PFKFB2: variants seen among roughly 807,000 people sequenced by gnomAD.
The protein encoded by PFKFB2 is 6-phosphofructo-2-kinase/fructose-2,6-bisphosphatase 2.
PFKFB2 carries 53 observed loss-of-function variants against 68.0 expected under a neutral mutation model. The observed-to-expected ratio is 0.78, with a 90% confidence interval of 0.63 to 0.98. PFKFB2 has a LOEUF of 0.98. Ranked by LOEUF, PFKFB2 falls within the 50% of genes least tolerant of loss-of-function variation. The pLI, the probability that PFKFB2 is intolerant of heterozygous loss-of-function variation, is 0.00. For missense variants in PFKFB2, 451 were observed against 642.0 expected, an observed-to-expected ratio of 0.70 and a Z score of 3.22; for synonymous variants, 222 against 227.6, an observed-to-expected ratio of 0.98 and a Z score of 0.22.
At chr1:207,040,171 T>C (rs1408175893) in intron 1 of PFKFB2, among the ~76,000 whole-genome samples, 1 of 152,212 alleles carries the variant, frequency 6.6e-6, no homozygotes, top group Admixed American at 6.5e-5. Context: ...GGAATAATTT[T>C]GTCTACATTT....
chr1:207,079,103 C>T (rs1329464485), downstream of PFKFB2: 2 of 1,224,674 alleles, frequency 1.6e-6, no homozygotes, highest in East Asian at 2.3e-5. Context: ...GAGGCTAGAA[C>T]AGGAAGTTAA....
At chr1:207,078,974 T>C (rs778954772), downstream of PFKFB2, 3 of 1,612,528 alleles carry the variant, frequency 1.9e-6, no homozygotes, top group East Asian at 2.2e-5. Flanking sequence ...CCACACTGGC[T>C]GTGCGCAGAC....
At chr1:207,051,021 G>C, upstream of PFKFB2, 1 of 1,507,720 alleles carries the variant, frequency 6.6e-7, no homozygotes, top group Non-Finnish European at 8.9e-7. Context: ...CCTTTAGCGG[G>C]GCCAAACATC....
chr1:207,050,582 C>T (rs186192051), upstream of PFKFB2: 120 of 1,488,236 alleles, frequency 8.1e-5, no homozygotes, highest in Admixed American at 5.5e-4. Flanking sequence ...GCCTCAAAGC[C>T]CCCCCGCCGA....
At chr1:207,043,672 G>C (rs551978391) in intron 2 of PFKFB2, among the ~76,000 whole-genome samples, 1 of 152,100 alleles carries the variant, frequency 6.6e-6, no homozygotes, top group Non-Finnish European at 1.5e-5. Context: ...TCAACCTTTC[G>C]TTAAGGAGAA....
chr1:207,080,430 C>T (rs1683733288), downstream of PFKFB2: 1 of 152,156 alleles, frequency 6.6e-6, no homozygotes. Flanking sequence ...GGTTCAGCAT[C>T]CAGCAACTAG....
intron 14 of PFKFB2, 118 bp downstream of exon 14, chr1:207,071,691 AC>A: frequency 1.4e-6 from 1 of 735,724 alleles, no homozygotes. Context: ...TTCAGAACTT[AC>A]GTCCAAATGT....
chr1:207,075,218 G>A lies in PFKFB2; in HGVS notation c.*2847G>A, dbSNP rs890267250. 20 of 985,320 alleles carry A rather than the reference G, an allele frequency of 2.0e-5. No homozygotes were observed. Among genetic ancestry groups the A allele is most frequent in the Non-Finnish European group, 2.4e-5 (20 of 829,960 alleles). The allele number at this position is 985,320 out of a possible 1,614,324, so 61.0% of individuals were successfully genotyped here. A position where few individuals can be genotyped will look rare whatever the true frequency, so the allele number is the denominator to read the frequency against. On this transcript the variant is annotated 3_prime_UTR_variant, in exon 15 of 15. Transcript: ENST00000367080. ...ACAGGTCACTGGGATGTTCATTCTG[G>A]CTCTCAGCCTGCTGTTATTTCCCCA...
intron 9 of PFKFB2, 38 bp from the exon 10 acceptor site, chr1:207,068,125 T>TG: frequency 3.2e-6 from 5 of 1,573,774 alleles, no homozygotes; most frequent in African/African-American, 2.7e-5. Flanking sequence ...TGTCTGTGTG[T>TG]TTTCTTTTTA....
intron 2 of PFKFB2, among the ~76,000 whole-genome samples, chr1:207,043,387 ATAGTT>A (rs934171294): frequency 2.2e-4 from 33 of 152,202 alleles, no homozygotes; most frequent in Admixed American, 1.8e-3. Context: ...AATGGGTTAA[ATAGTT>A]TAGTTTAGTT....
intron 2 of PFKFB2, chr1:207,046,610 C>T: frequency 6.6e-6 from 1 of 151,992 alleles, no homozygotes; most frequent in African/African-American, 2.4e-5. Context: ...GTATCAGTGT[C>T]CAACCGGTAA....
chr1:207,035,802 A>C (rs1290704929), intron 1 of PFKFB2, among the ~76,000 whole-genome samples: 3 of 152,212 alleles, frequency 2.0e-5, no homozygotes, highest in Non-Finnish European at 4.4e-5. Flanking sequence ...CAGCAGGCAA[A>C]GGGAGAGCAG....
In PFKFB2 at chr1:207,075,871, T is replaced by G. The variant is rs1683608440; in HGVS notation, c.*3500T>G. Reference sequence around the variant, plus strand: ...CTAAAGCAGATTTAGAGAACCTGCTTCTCTTCTTATCTCCTAATCCCTAAA... The same window carrying G: ...CTAAAGCAGATTTAGAGAACCTGCTGCTCTTCTTATCTCCTAATCCCTAAA... On this transcript the variant is annotated 3_prime_UTR_variant, in exon 15 of 15. Transcript: ENST00000367080. 1 of 984,850 alleles carries G rather than the reference T, an allele frequency of 1.0e-6. No individual in the cohort carries two copies. The highest frequency in any genetic ancestry group is 1.2e-6 in the Non-Finnish European group (1 of 829,488). 61.0% of individuals were successfully genotyped at this position (984,850 alleles called of 1,614,324 possible).
chr1:207,049,824 A>G, upstream of PFKFB2: 1 of 1,090,218 alleles, frequency 9.2e-7, no homozygotes, highest in South Asian at 1.6e-5. Flanking sequence ...GAGTTAAAGC[A>G]TAAACTGGGG....
intron 3 of PFKFB2, 86 bp from the exon 4 acceptor site, chr1:207,062,534 A>G (rs538144785): frequency 6.4e-7 from 1 of 1,554,672 alleles, no homozygotes; most frequent in Non-Finnish European, 8.7e-7. Context: ...CCCCTTGGTC[A>G]CTCCGACATT....
At position 207,077,072 on chromosome 1, in the gene PFKFB2, T is replaced by C. The variant is rs777367116; in HGVS notation, c.*4701T>C. ...TAAAGGTTATGCATCACTTTTATGGTATTTTGTGAACTCAGCTAAGGGAAT... is the reference window on the plus strand; with the variant it reads ...TAAAGGTTATGCATCACTTTTATGGCATTTTGTGAACTCAGCTAAGGGAAT... On this transcript the variant is annotated 3_prime_UTR_variant, in exon 15 of 15. Transcript: ENST00000367080. 3 of 985,098 alleles carry C rather than the reference T, an allele frequency of 3.0e-6. No individual in the cohort carries two copies. In the African/African-American group the frequency reaches 5.2e-5, roughly 17 times the overall value. The allele number at this position is 985,098 out of a possible 1,614,324, so 61.0% of individuals were successfully genotyped here. A position where few individuals can be genotyped will look rare whatever the true frequency, so the allele number is the denominator to read the frequency against.
chr1:207,079,251 A>C, downstream of PFKFB2: 1 of 579,036 alleles, frequency 1.7e-6, no homozygotes, highest in South Asian at 2.0e-5. Context: ...TAGCAACCTG[A>C]ACCAGTGACT....
chr1:207,069,531 A>T lies in PFKFB2; in HGVS notation c.1092+3A>T. 6.3e-7 allele frequency: 1 copy of T among 1,575,382 alleles called. No individual in the cohort carries two copies. Among genetic ancestry groups the T allele is most frequent in the Non-Finnish European group, 8.7e-7 (1 of 1,144,684 alleles). On this transcript the variant is annotated splice_donor_region_variant and intron_variant, in intron 11 of 14. Transcript: ENST00000367080. The stretch of plus-strand genomic sequence containing the variant: ...TGTATCGATATCCTGGTGGGGAGGT[A>T]AGACGCCCCTGTCATGTAAAGTGAC...
rs1312594825 is a variant in PFKFB2, at chr1:207,063,580, C to T, written c.450+159C>T. Among the ~76,000 whole-genome samples, 4 of 152,122 alleles carry T rather than the reference C, an allele frequency of 2.6e-5. No homozygotes were observed. Among genetic ancestry groups the T allele is most frequent in the Admixed American group, 2.0e-4 (3 of 15,272 alleles). On this transcript the variant is annotated intron_variant, in intron 6 of 14. Coordinates refer to ENST00000367080, the MANE Select transcript of PFKFB2 (RefSeq NM_006212.2). This position sits in a 1 kb window ranked among gnomAD's most constrained non-coding sequence, Gnocchi z 4.1. The stretch of plus-strand genomic sequence containing the variant: ...AGTCCTTGAGTGTTTTCATTCAGGT[C>T]CTTTCTCAGACTGTTAGCCTGTATG...
Sources: allele counts gnomAD v4.1 joint callset (sites outside exome capture counted in the v4.1 genomes callset), GRCh38; gene constraint gnomAD v4.1.1; non-coding constraint Gnocchi (gnomAD v3.1); transcripts MANE v1.5; gene names NCBI Gene and HGNC (gene_info 2026-07-23, HGNC 2026-07-21).